Variants in PRKN observed in about 807,000 individuals in gnomAD.
The protein encoded by PRKN is E3 ubiquitin-protein ligase parkin.
Under a neutral mutation model 59.5 loss-of-function variants are expected in PRKN, and 56 were observed. That is an observed-to-expected ratio of 0.94 (90% confidence interval 0.76 to 1.18). PRKN has a LOEUF of 1.18. PRKN is among the 50% of genes most tolerant of loss of function. The pLI, the probability that PRKN is intolerant of heterozygous loss-of-function variation, is 0.00. For synonymous variants in PRKN, 250 were observed against 222.1 expected, an observed-to-expected ratio of 1.13 and a Z score of -1.12; for missense variants, 657 against 596.4, an observed-to-expected ratio of 1.10 and a Z score of -1.06.
intron 7 of PRKN, among the ~76,000 whole-genome samples, chr6:161,651,316 G>T (rs1241207357): frequency 6.6e-6 from 1 of 152,148 alleles, no homozygotes; most frequent in East Asian, 1.9e-4. Flanking sequence ...CTTGGTCCCA[G>T]CAAACACCAC....
At chr6:162,479,988 C>T (rs992777365) in intron 1 of PRKN, among the ~76,000 whole-genome samples, 2 of 151,714 alleles carry the variant, frequency 1.3e-5, no homozygotes, top group African/African-American at 4.8e-5. Flanking sequence ...TCGCTTAAAC[C>T]CGGGAGGTGG....
At chr6:162,237,919 ATAC>A (rs1428840975) in intron 3 of PRKN, among the ~76,000 whole-genome samples, 1 of 152,176 alleles carries the variant, frequency 6.6e-6, no homozygotes, top group Non-Finnish European at 1.5e-5. Flanking sequence ...GTCCCTGTAC[ATAC>A]ACGCAAGAAC....
At chr6:162,630,841 T>C (rs1783084933) in intron 1 of PRKN, among the ~76,000 whole-genome samples, 1 of 152,076 alleles carries the variant, frequency 6.6e-6, no homozygotes, top group African/African-American at 2.4e-5. Flanking sequence ...TTCAGAATAA[T>C]AAACTTTGCA....
intron 1 of PRKN, among the ~76,000 whole-genome samples, chr6:162,679,452 T>C (rs1208340286): frequency 1.3e-5 from 2 of 152,182 alleles, no homozygotes; most frequent in East Asian, 3.8e-4. Flanking sequence ...ATCCAGTTTA[T>C]AAATTGTTTT....
chr6:161,794,236 C>T (rs1356803043), intron 6 of PRKN, among the ~76,000 whole-genome samples: 1 of 152,162 alleles, frequency 6.6e-6, no homozygotes, highest in Non-Finnish European at 1.5e-5. Context: ...CTGTTGCAGA[C>T]ATACTCCCTT....
At chr6:161,535,753 C>T (rs1428711645) in intron 9 of PRKN, among the ~76,000 whole-genome samples, 1 of 152,068 alleles carries the variant, frequency 6.6e-6, no homozygotes, top group Non-Finnish European at 1.5e-5. Flanking sequence ...TGGGGCTGAG[C>T]CACCTTGCAC....
At position 161,456,014 on chromosome 6, in the gene PRKN, A is replaced by G. The variant is rs1789953327; in HGVS notation, c.1084-69137T>C. On this transcript the variant is annotated intron_variant, in intron 9 of 11. Transcript: ENST00000366898. This position sits in a 1 kb window ranked among gnomAD's most constrained non-coding sequence, Gnocchi z 4.8. Reference sequence around the variant, plus strand: ...TTTCTTCCAGTTCAAAATCACTATGAAAAAATGTTTTCCTAAGGAGAACGT... The same window carrying G: ...TTTCTTCCAGTTCAAAATCACTATGGAAAAATGTTTTCCTAAGGAGAACGT... Among the ~76,000 whole-genome samples the G allele has an allele frequency of 1.3e-5, 2 of 152,194 alleles. No individual in the cohort carries two copies. Among genetic ancestry groups the G allele is most frequent in the South Asian group, 4.1e-4 (2 of 4,832 alleles).
chr6:162,156,697 T>A (rs562650571), intron 4 of PRKN, among the ~76,000 whole-genome samples: 2 of 152,088 alleles, frequency 1.3e-5, no homozygotes, highest in Non-Finnish European at 1.5e-5. Flanking sequence ...GACTTAAAAG[T>A]TAATCTCTTT....
chr6:162,073,515 C>T (rs984371846), intron 4 of PRKN, among the ~76,000 whole-genome samples: 3 of 152,170 alleles, frequency 2.0e-5, no homozygotes, highest in Admixed American at 6.5e-5. Context: ...TGCAGTGGCA[C>T]GATATGGCTC....
intron 3 of PRKN, among the ~76,000 whole-genome samples, chr6:162,217,909 C>T (rs1305238788): frequency 5.3e-5 from 8 of 152,108 alleles, no homozygotes; most frequent in African/African-American, 1.4e-4. Flanking sequence ...TTAATCTATC[C>T]GACTTCTAAG....
intron 9 of PRKN, among the ~76,000 whole-genome samples, chr6:161,541,109 G>GTCCTT (rs1779600581): frequency 6.6e-6 from 1 of 152,278 alleles, no homozygotes; most frequent in African/African-American, 2.4e-5. Context: ...AGACGTCCCT[G>GTCCTT]TCCTTTTCCA....
chr6:162,170,308 T>A (rs1783213620), intron 4 of PRKN, among the ~76,000 whole-genome samples: 1 of 152,198 alleles, frequency 6.6e-6, no homozygotes, highest in Non-Finnish European at 1.5e-5. Flanking sequence ...CAAATGGGAT[T>A]GCTCCGGAAA....
rs780996466 is a variant in PRKN at position 161,548,881 on chromosome 6, G to A, written c.1056C>T (p.Cys352=). ...LPEPDQRKVT[C]EGGNGLGCGF... ...CACAGCCCAGGCCATTGCCCCCTTC[G>A]CAGGTGACTTTCCTCTGGTCAGGCT... Residue 352 remains cysteine (C), a synonymous_variant, in exon 9 of 12, where the codon TGC becomes TGT. Coordinates refer to ENST00000366898, the MANE Select transcript of PRKN (RefSeq NM_004562.3). This position sits in a 1 kb window ranked among gnomAD's most constrained non-coding sequence, Gnocchi z 4.2. The A allele has an allele frequency of 6.2e-6, 10 of 1,614,128 alleles. No homozygotes were observed. Among genetic ancestry groups the A allele is most frequent in the East Asian group, 2.2e-5 (1 of 44,874 alleles).
chr6:161,555,580 C>T (rs1325615761), intron 8 of PRKN, among the ~76,000 whole-genome samples: 23 of 152,126 alleles, frequency 1.5e-4, no homozygotes, highest in South Asian at 2.1e-4. Flanking sequence ...TTTAACCGGA[C>T]TATCTCCTTC....
At chr6:162,309,636 G>GCTTGAGAAAATATATCCTTTAT (rs145921247) in intron 2 of PRKN, among the ~76,000 whole-genome samples, 5,803 of 152,228 alleles carry the variant, frequency 0.038, 355 homozygotes, top group African/African-American at 0.13. Flanking sequence ...CTGTGCGTAA[G>GCTTGAGAAAATATATCCTTTAT]CTGTATGGAA....
At chr6:162,156,302 T>C (rs1291771396) in intron 4 of PRKN, among the ~76,000 whole-genome samples, 4 of 152,160 alleles carry the variant, frequency 2.6e-5, no homozygotes, top group Non-Finnish European at 5.9e-5. Context: ...GATTGATGTA[T>C]ATATGAAGGG....
chr6:161,708,611 T>C (rs1311785366), intron 7 of PRKN, among the ~76,000 whole-genome samples: 1 of 152,214 alleles, frequency 6.6e-6, no homozygotes, highest in Non-Finnish European at 1.5e-5. Flanking sequence ...TTCAAAATAA[T>C]TAAACAAGCA....
intron 6 of PRKN, among the ~76,000 whole-genome samples, chr6:161,942,188 C>A (rs983536697): frequency 6.6e-6 from 1 of 152,078 alleles, no homozygotes; most frequent in African/African-American, 2.4e-5. Context: ...TGGGGAAAGG[C>A]TGGGCATTTT....
intron 7 of PRKN, among the ~76,000 whole-genome samples, chr6:161,594,713 A>G (rs1452870343): frequency 7.7e-6 from 1 of 129,650 alleles, no homozygotes; most frequent in Non-Finnish European, 1.6e-5. Context: ...AAGTTATGAA[A>G]TTTCAAGTTG....
Sources: allele counts gnomAD v4.1 joint callset (sites outside exome capture counted in the v4.1 genomes callset), GRCh38; gene constraint gnomAD v4.1.1; non-coding constraint Gnocchi (gnomAD v3.1); transcripts MANE v1.5; gene names NCBI Gene and HGNC (gene_info 2026-07-23, HGNC 2026-07-21).